KDM2B: variants seen among roughly 807,000 people sequenced by gnomAD.
The protein encoded by KDM2B is lysine demethylase 2B, also known as lysine-specific demethylase 2B.
In KDM2B, 26 loss-of-function variants were observed where a neutral mutation model predicts 150.0. The ratio of observed to expected loss-of-function variants is 0.17; its 90% confidence interval spans 0.13 to 0.24. KDM2B has a LOEUF of 0.24. Among genes scored for constraint, KDM2B ranks in the 10% least tolerant of loss-of-function variants. KDM2B has a pLI of 1.00. For missense variants in KDM2B, 1,265 were observed against 1,816.9 expected (o/e 0.70, Z 5.52); for synonymous variants, 734 against 729.5 (o/e 1.01, Z -0.10).
At chr12:121,534,663 A>T (rs782666280) in intron 6 of KDM2B, 73 bp from the exon 7 acceptor site, 18 of 1,150,208 alleles carry the variant, frequency 1.6e-5, no homozygotes, top group Non-Finnish European at 2.2e-5. Context: ...AGGACTTCAG[A>T]GGTCCTGAAC....
At chr12:121,497,170 T>A (rs1884054733) in intron 11 of KDM2B, among the ~76,000 whole-genome samples, 1 of 152,114 alleles carries the variant, frequency 6.6e-6, no homozygotes, top group Non-Finnish European at 1.5e-5. Context: ...ACATACAGCT[T>A]CCCCAAAGTC....
rs782113279 is a variant in KDM2B, at chr12:121,510,003, G to A, written c.1211C>T (p.Ser404Leu). Reference protein sequence around the residue: ...PRKPSIDGFSSDSWLEMEEEA... With the variant: ...PRKPSIDGFSLDSWLEMEEEA... The stretch of plus-strand genomic sequence containing the variant: ...CTCCTCCATCTCCAGCCAGGAATCC[G>A]AAGAGAAGCCGTCTATGCTGGGCTT... Residue 404 changes from serine to leucine, a missense_variant, in exon 11 of 23, where the codon TCG (serine) becomes TTG (leucine). Ser to Leu is a moderately radical substitution (Grantham distance 145). Transcript: ENST00000377071. The A allele has an allele frequency of 1.3e-5, 21 of 1,588,722 alleles. No homozygotes were observed. The highest frequency in any genetic ancestry group is 1.5e-5 in the Non-Finnish European group (18 of 1,167,412).
In KDM2B at chr12:121,537,821, G is replaced by A. The variant is rs1443694226; in HGVS notation, c.684-3231C>T. 2.0e-5 allele frequency among the ~76,000 whole-genome samples: 3 copies of A among 151,874 alleles called. No individual in the cohort carries two copies. The highest frequency in any genetic ancestry group is 4.8e-5 in the African/African-American group (2 of 41,402). ...CACAAAGAGCGGCTCCGCGACGCCG[G>A]CCCTGTAGCCCGCGGGCGGGAGGCC... On this transcript the variant is annotated intron_variant, in intron 6 of 22. Coordinates refer to ENST00000377071, the MANE Select transcript of KDM2B (RefSeq NM_032590.5). This position sits in a 1 kb window ranked among gnomAD's most constrained non-coding sequence, Gnocchi z 8.7.
At chr12:121,409,083 G>A in the KDM2B span, among the ~76,000 whole-genome samples, 1 of 151,988 alleles carries the variant, frequency 6.6e-6, no homozygotes, top group African/African-American at 2.4e-5. Context: ...AGGTTCAAAC[G>A]ATTCTCCTGC....
chr12:121,487,819 G>C (rs1377660232), intron 12 of KDM2B, among the ~76,000 whole-genome samples: 20 of 150,616 alleles, frequency 1.3e-4, no homozygotes, highest in African/African-American at 4.6e-4. Context: ...TTTGAGACAG[G>C]GTCTTGCCCT....
In KDM2B at chr12:121,549,807, G is replaced by A. The variant is rs1555311464; in HGVS notation, c.398-169C>T. On this transcript the variant is annotated intron_variant, in intron 4 of 22. Transcript: ENST00000377071. The surrounding 1 kb of genome is among the most constrained non-coding windows in gnomAD (Gnocchi z 4.4). ...CCCATCGGCTTTCCTTCTGGGATCT[G>A]TCTCCCACCCACCTTGCTTCCCTGC... Among the ~76,000 whole-genome samples the A allele has an allele frequency of 6.6e-6, 1 of 152,112 alleles. No individual in the cohort carries two copies. Among genetic ancestry groups the A allele is most frequent in the African/African-American group, 2.4e-5 (1 of 41,408 alleles).
intron 11 of KDM2B, among the ~76,000 whole-genome samples, chr12:121,496,444 T>C (rs1162923410): frequency 6.6e-6 from 1 of 151,788 alleles, no homozygotes; most frequent in Non-Finnish European, 1.5e-5. Flanking sequence ...CCTAATTCAC[T>C]TCACTAGAAA....
At position 121,463,079 on chromosome 12, in the gene KDM2B, G is replaced by A. The variant is rs374830904; in HGVS notation, c.1735-9735C>T. Among the ~76,000 whole-genome samples the A allele has an allele frequency of 8.6e-4, 131 of 151,590 alleles. 1 individual carries two copies. The highest frequency in any genetic ancestry group is 6.9e-3 in the Middle Eastern group (2 of 288). ...CGCCTATAATCCCAGCACTTTGGGA[G>A]GCCAAGGCGGGTGGATCACAAGGTC... On this transcript the variant is annotated intron_variant, in intron 12 of 22. Coordinates refer to ENST00000377071, the MANE Select transcript of KDM2B (RefSeq NM_032590.5).
intron 11 of KDM2B, among the ~76,000 whole-genome samples, chr12:121,496,426 T>C (rs1323030192): frequency 1.3e-5 from 2 of 151,722 alleles, no homozygotes; most frequent in South Asian, 2.1e-4. Flanking sequence ...TTATTTTAAT[T>C]CACCTTTCCT....
intron 12 of KDM2B, among the ~76,000 whole-genome samples, chr12:121,474,770 G>A (rs951365699): frequency 2.6e-5 from 4 of 151,992 alleles, no homozygotes; most frequent in Non-Finnish European, 4.4e-5. Context: ...CTGGCAACAC[G>A]GCAAAACCCT....
intron 12 of KDM2B, among the ~76,000 whole-genome samples, chr12:121,483,066 G>A (rs907483533): frequency 9.2e-5 from 14 of 152,072 alleles, no homozygotes; most frequent in Non-Finnish European, 1.8e-4. Flanking sequence ...GGGAGGCTGA[G>A]GCAGGAGAAT....
chr12:121,448,140 A>C (rs1235162570), intron 13 of KDM2B, among the ~76,000 whole-genome samples: 1 of 151,834 alleles, frequency 6.6e-6, no homozygotes, highest in Non-Finnish European at 1.5e-5. Flanking sequence ...GCAACGTGGC[A>C]AAACCCTGTC....
chr12:121,440,711 T>G (rs1874865823), intron 21 of KDM2B, 105 bp downstream of exon 21: 1 of 1,125,786 alleles, frequency 8.9e-7, no homozygotes, highest in African/African-American at 1.6e-5. Flanking sequence ...CAGAGACTCA[T>G]CCCTATGTCC....
chr12:121,526,790 G>A (rs1478228482), intron 8 of KDM2B, among the ~76,000 whole-genome samples: 2 of 151,982 alleles, frequency 1.3e-5, no homozygotes, highest in African/African-American at 4.8e-5. Flanking sequence ...CCAGCACTTG[G>A]GGAGGCCGAG....
At chr12:121,531,484 C>A (rs1555307794) in intron 8 of KDM2B, among the ~76,000 whole-genome samples, 1 of 152,136 alleles carries the variant, frequency 6.6e-6, no homozygotes, top group African/African-American at 2.4e-5. Flanking sequence ...ATCCTCTGGT[C>A]CAAGCTTCCA....
intron 12 of KDM2B, among the ~76,000 whole-genome samples, chr12:121,474,891 GCATTGAGC>G (rs1314911178): frequency 3.9e-5 from 6 of 152,140 alleles, no homozygotes; most frequent in African/African-American, 1.4e-4. Flanking sequence ...GTTTGAGGCT[GCATTGAGC>G]CATGATCATG....
intron 11 of KDM2B, among the ~76,000 whole-genome samples, chr12:121,497,999 G>A (rs535117294): frequency 6.6e-6 from 1 of 152,210 alleles, no homozygotes; most frequent in East Asian, 1.9e-4. Flanking sequence ...GGGAAGCTGA[G>A]GTAGGAGGAT....
At chr12:121,499,286 CTTT>C (rs1185251331) in intron 11 of KDM2B, among the ~76,000 whole-genome samples, 2 of 137,296 alleles carry the variant, frequency 1.5e-5, no homozygotes, top group Non-Finnish European at 1.6e-5. Context: ...ATTTTTGTAT[CTTT>C]TTTTTTTTTT....
At chr12:121,561,083 C>T (rs1426604652) in intron 4 of KDM2B, among the ~76,000 whole-genome samples, 7 of 152,176 alleles carry the variant, frequency 4.6e-5, no homozygotes, top group Non-Finnish European at 7.3e-5. Context: ...TTCTGGCTCC[C>T]GGGCTGCACA....
Sources: gnomAD v4.1 joint callset for allele counts (sites outside exome capture counted in the v4.1 genomes callset) on GRCh38, gnomAD v4.1.1 for gene constraint, Gnocchi (gnomAD v3.1) non-coding constraint, MANE v1.5 for transcripts, NCBI Gene and HGNC (gene_info 2026-07-23, HGNC 2026-07-21) for gene names.